The following MCTP1 variants were observed in gnomAD, a reference collection of about 807,000 sequenced individuals.
MCTP1 encodes multiple C2 and transmembrane domain containing 1.
MCTP1 carries 69 observed loss-of-function variants against 120.6 expected under a neutral mutation model. That is an observed-to-expected ratio of 0.57 (90% CI 0.47 to 0.70). The LOEUF (loss-of-function observed/expected upper bound fraction) is 0.70, where lower values mean the gene tolerates loss of function less well. Among genes scored for constraint, MCTP1 ranks in the 30% least tolerant of loss-of-function variants. The probability of loss-of-function intolerance (pLI) is 0.00; values close to 1 mark genes in which losing one functional copy is unlikely to be tolerated. For synonymous variants in MCTP1, 529 were observed against 493.1 expected, an observed-to-expected ratio of 1.07 and a Z score of -0.96; for missense variants, 1,203 against 1,248.8, an observed-to-expected ratio of 0.96 and a Z score of 0.55.
intron 1 of MCTP1, among the ~76,000 whole-genome samples, chr5:95,088,489 T>C (rs1348388641): frequency 6.6e-6 from 1 of 152,170 alleles, no homozygotes; most frequent in Non-Finnish European, 1.5e-5. Context: ...TCCCACTTAA[T>C]CCTCACAGAA....
chr5:94,954,071 T>C (rs189281127), intron 2 of MCTP1, among the ~76,000 whole-genome samples: 1 of 95,090 alleles, frequency 1.1e-5, no homozygotes, highest in Non-Finnish European at 1.9e-5. Context: ...TATATATGCA[T>C]ATATATACAA....
intron 1 of MCTP1, among the ~76,000 whole-genome samples, chr5:95,191,591 G>A (rs1408349976): frequency 6.6e-6 from 1 of 151,978 alleles, no homozygotes; most frequent in Non-Finnish European, 1.5e-5. Context: ...GTCCCAGTGA[G>A]TCACTTTCCT....
rs146976339 is a variant in MCTP1 at position 95,200,060 on chromosome 5, C to G, written c.720+83796G>C. ...CCTGCAATCGCAGCTACTTGGGAGG[C>G]TGAGGCAGGAGAATCACTTGAACCC... is the stretch of plus-strand genomic sequence containing the variant. On this transcript the variant is annotated intron_variant, in intron 1 of 22. Coordinates refer to ENST00000515393, the MANE Select transcript of MCTP1 (RefSeq NM_024717.7). Among the ~76,000 whole-genome samples, 507 of 151,496 alleles carry G rather than the reference C, an allele frequency of 3.3e-3. 3 individuals are homozygous for G. Among genetic ancestry groups the G allele is most frequent in the African/African-American group, 0.012 (479 of 41,258 alleles).
chr5:94,873,619 C>T (rs1333843077), intron 12 of MCTP1, among the ~76,000 whole-genome samples: 2 of 152,088 alleles, frequency 1.3e-5, no homozygotes, highest in East Asian at 3.9e-4. Context: ...AAAAGTTCAG[C>T]CCCTTCACTC....
rs1490531776 is a variant in MCTP1 at position 95,139,397 on chromosome 5, A to G, written c.721-121913T>C. 3.9e-5 allele frequency among the ~76,000 whole-genome samples: 6 copies of G among 152,366 alleles called. No homozygotes were observed. In the East Asian group the frequency reaches 9.6e-4, roughly 24 times the overall value. On this transcript the variant is annotated intron_variant, in intron 1 of 22. Coordinates refer to ENST00000515393, the MANE Select transcript of MCTP1 (RefSeq NM_024717.7). The stretch of plus-strand genomic sequence containing the variant: ...ATGCAAATTTCTTAAGGAAATAAAA[A>G]GATCTAAACATTGCACCATGTCAAA...
At chr5:94,947,510 T>C (rs1437127597) in intron 3 of MCTP1, among the ~76,000 whole-genome samples, 2 of 144,960 alleles carry the variant, frequency 1.4e-5, no homozygotes, top group African/African-American at 5.1e-5. Flanking sequence ...TGATAGTATA[T>C]CCAATTTCAA....
At chr5:95,085,533 G>T (rs1165250385) in intron 1 of MCTP1, among the ~76,000 whole-genome samples, 3 of 151,600 alleles carry the variant, frequency 2.0e-5, no homozygotes, top group African/African-American at 7.3e-5. Context: ...ATTTAAGTTG[G>T]TTCTAATTTA....
chr5:94,993,112 C>T (rs1470532916), intron 2 of MCTP1, among the ~76,000 whole-genome samples: 4 of 151,984 alleles, frequency 2.6e-5, no homozygotes, highest in African/African-American at 9.7e-5. Context: ...AACTTTTTTT[C>T]AATACGTAGT....
At chr5:94,764,828 C>CAAAAAAAAAAAAAAAAAAAAAAAAAAAA in intron 19 of MCTP1, among the ~76,000 whole-genome samples, 1 of 90,974 alleles carries the variant, frequency 1.1e-5, no homozygotes, top group Non-Finnish European at 2.2e-5. Context: ...TGACCTGGAC[C>CAAAAAAAAAAAAAAAAAAAAAAAAAAAA]AAAAAAAAAA....
At chr5:94,946,603 T>C (rs1457033916) in intron 3 of MCTP1, among the ~76,000 whole-genome samples, 5 of 152,166 alleles carry the variant, frequency 3.3e-5, no homozygotes, top group African/African-American at 1.2e-4. Context: ...CTAAAGCTAG[T>C]TGACACCCAC....
rs1384192832 is a variant in MCTP1 at position 94,706,986 on chromosome 5, A to C, written c.*510T>G. 1 of 152,036 alleles carries C rather than the reference A, an allele frequency of 6.6e-6. No individual in the cohort carries two copies. The highest frequency in any genetic ancestry group is 1.5e-5 in the Non-Finnish European group (1 of 68,006). The allele number at this position is 152,036 out of a possible 1,614,324, so 9.4% of individuals were successfully genotyped here. A position where few individuals can be genotyped will look rare whatever the true frequency, so the allele number is the denominator to read the frequency against. On this transcript the variant is annotated 3_prime_UTR_variant, in exon 23 of 23. Transcript: ENST00000515393. ...GTGAATGTCGGGATCTAAAGCCAGA[A>C]TATATGTTAAATTGAAATGTATCCA...
chr5:95,242,785 T>C (rs1288232019), intron 1 of MCTP1, among the ~76,000 whole-genome samples: 1 of 152,192 alleles, frequency 6.6e-6, no homozygotes, highest in Non-Finnish European at 1.5e-5. Flanking sequence ...AAGGAAATTT[T>C]CTAGAGCCAT....
chr5:94,963,496 C>T (rs572308289), intron 2 of MCTP1, among the ~76,000 whole-genome samples: 1 of 150,082 alleles, frequency 6.7e-6, no homozygotes, highest in African/African-American at 2.4e-5. Flanking sequence ...TTAATAATAG[C>T]CACCCTAACA....
chr5:95,095,886 T>A (rs73776181), intron 1 of MCTP1, among the ~76,000 whole-genome samples: 6 of 151,838 alleles, frequency 4.0e-5, no homozygotes, highest in Non-Finnish European at 8.8e-5. Flanking sequence ...GTATTTGAAA[T>A]GAGGGGAGGC....
intron 17 of MCTP1, among the ~76,000 whole-genome samples, chr5:94,845,743 G>C (rs952518240): frequency 2.0e-5 from 3 of 151,974 alleles, no homozygotes; most frequent in African/African-American, 7.3e-5. Flanking sequence ...GTAGAGACAG[G>C]GTTTTGCTAT....
At chr5:94,847,072 G>A (rs139427003) in intron 17 of MCTP1, among the ~76,000 whole-genome samples, 8 of 152,170 alleles carry the variant, frequency 5.3e-5, no homozygotes, top group East Asian at 1.9e-4. Context: ...TAAAATTTGC[G>A]AACCTATGTG....
intron 1 of MCTP1, among the ~76,000 whole-genome samples, chr5:95,166,719 C>T (rs1432983357): frequency 5.9e-5 from 9 of 152,104 alleles, no homozygotes; most frequent in Middle Eastern, 3.4e-3. Context: ...AGGCACCCAC[C>T]ACCACGCCTG....
intron 1 of MCTP1, among the ~76,000 whole-genome samples, chr5:95,254,484 A>G (rs972068681): frequency 1.6e-4 from 24 of 152,122 alleles, no homozygotes; most frequent in African/African-American, 5.6e-4. Flanking sequence ...CATCTTACCC[A>G]CAAGCTTAAC....
In MCTP1 at chr5:94,972,333, G is replaced by A. The variant is rs550115659; in HGVS notation, c.839-18972C>T. On this transcript the variant is annotated intron_variant, in intron 2 of 22. Transcript: ENST00000515393. ...GACTATGGATCCTAATTTGTCTTCT[G>A]TGGCAGGTTGAACCCTTAACAGCCA... is the stretch of plus-strand genomic sequence containing the variant. Among the ~76,000 whole-genome samples the A allele has an allele frequency of 1.3e-4, 19 of 151,592 alleles. No homozygotes were observed. In the South Asian group the frequency reaches 4.0e-3, roughly 32 times the overall value.
Sources: gnomAD v4.1 joint callset for allele counts (sites outside exome capture counted in the v4.1 genomes callset) on GRCh38, gnomAD v4.1.1 for gene constraint, MANE v1.5 for transcripts, NCBI Gene and HGNC (gene_info 2026-07-23, HGNC 2026-07-21) for gene names.